ZNF710: variants seen among roughly 807,000 people sequenced by gnomAD.
ZNF710 encodes the protein zinc finger protein 710.
In ZNF710, 13 loss-of-function variants were observed where a neutral mutation model predicts 50.6. The observed-to-expected ratio is 0.26, with a 90% confidence interval of 0.17 to 0.41. The LOEUF (loss-of-function observed/expected upper bound fraction) is 0.41. ZNF710 is among the 10% of genes least tolerant of loss of function. The pLI is 1.00. For synonymous variants in ZNF710, 383 were observed against 397.0 expected (o/e 0.96, Z 0.42); for missense variants, 721 against 936.6 (o/e 0.77, Z 3.01).
rs1003130935 is a variant in ZNF710, at chr15:90,081,224, C to CTCT, written c.*1398_*1400dup. ...CAGCTAGCTCCCTCGCTCGCCTGCT[C>CTCT]TCTTCCCCTCTGTTCCCACGCCAGC... On this transcript the variant is annotated 3_prime_UTR_variant, in exon 5 of 5. Transcript: ENST00000268154. 1 of 152,138 alleles carries CTCT rather than the reference C, an allele frequency of 6.6e-6. No homozygotes were observed. The highest frequency in any genetic ancestry group is 1.5e-5 in the Non-Finnish European group (1 of 68,336). 9.4% of individuals were successfully genotyped at this position (152,138 alleles called of 1,614,324 possible).
chr15:90,037,661 A>T (rs1175299307), intron 1 of ZNF710, among the ~76,000 whole-genome samples: 2 of 152,180 alleles, frequency 1.3e-5, no homozygotes, highest in Non-Finnish European at 2.9e-5. Flanking sequence ...TGAGGAAATG[A>T]TCTCTGACCC....
At chr15:90,001,993 G>C (rs1403468316) in intron 1 of ZNF710, among the ~76,000 whole-genome samples, 2 of 148,756 alleles carry the variant, frequency 1.3e-5, no homozygotes, top group East Asian at 4.2e-4. Context: ...GAGAGAGAGA[G>C]AGAGGCAAAA....
chr15:90,067,349 G>A lies in ZNF710; in HGVS notation c.212G>A (p.Cys71Tyr), dbSNP rs1252490874. ...PPGPDVYQLACNGRALEEPAE... is the reference protein window; with the variant it reads ...PPGPDVYQLAYNGRALEEPAE... ...GGCCCCGACGTCTACCAGCTGGCCT[G>A]CAACGGGAGGGCCTTGGAGGAGCCG... The change falls in exon 2 of 5, where the codon TGC (cysteine) becomes TAC (tyrosine). Residue 71 changes from cysteine to tyrosine, a missense_variant. By Grantham distance (194) the Cys-to-Tyr change is radical (BLOSUM62 -2). Transcript: ENST00000268154. The surrounding 1 kb of genome is among the most constrained non-coding windows in gnomAD (Gnocchi z 8.1). 6.3e-7 allele frequency: 1 copy of A among 1,599,972 alleles called. No individual in the cohort carries two copies. The highest frequency in any genetic ancestry group is 1.7e-5 in the Admixed American group (1 of 57,626).
At chr15:90,058,074 C>G (rs1899880255) in intron 1 of ZNF710, among the ~76,000 whole-genome samples, 1 of 152,114 alleles carries the variant, frequency 6.6e-6, no homozygotes, top group Non-Finnish European at 1.5e-5. Flanking sequence ...GGCGTGGCTC[C>G]CAGGTCAGGT....
In ZNF710 at chr15:90,074,253, C is replaced by G; in HGVS notation, c.1788C>G (p.Val596=). The part of the protein sequence containing the change: ...LKGNLSRHMK[V]KHGVMDIGLD... ...GCAACCTGAGCCGGCACATGAAGGT[C>G]AAGCATGGCGTCATGGACATCGGCC... is the stretch of plus-strand genomic sequence containing the variant. The change falls in exon 4 of 5, where the codon GTC becomes GTG. Residue 596 remains valine (V), a synonymous_variant. Transcript: ENST00000268154. The G allele has an allele frequency of 1.2e-6, 2 of 1,613,842 alleles. No individual in the cohort carries two copies. Among genetic ancestry groups the G allele is most frequent in the South Asian group, 1.1e-5 (1 of 91,078 alleles).
intron 1 of ZNF710, among the ~76,000 whole-genome samples, chr15:90,032,914 G>GAA (rs370156779): frequency 2.2e-4 from 33 of 150,978 alleles, no homozygotes; most frequent in African/African-American, 7.3e-4. Context: ...TCTAAAAAAA[G>GAA]AAAAAAAAAG....
intron 1 of ZNF710, among the ~76,000 whole-genome samples, chr15:90,015,634 C>G (rs1419310559): frequency 6.9e-6 from 1 of 145,702 alleles, no homozygotes; most frequent in Non-Finnish European, 1.5e-5. Flanking sequence ...TTGCTCTTGT[C>G]ATCCAGGCTG....
intron 1 of ZNF710, among the ~76,000 whole-genome samples, chr15:90,010,127 T>G (rs2151462858): frequency 6.6e-6 from 1 of 152,300 alleles, no homozygotes; most frequent in East Asian, 1.9e-4. Flanking sequence ...CTACCATGAC[T>G]GTGGTTTCAG....
intron 1 of ZNF710, among the ~76,000 whole-genome samples, chr15:90,053,570 G>A (rs1899713435): frequency 6.6e-6 from 1 of 152,092 alleles, no homozygotes; most frequent in Non-Finnish European, 1.5e-5. Flanking sequence ...GAACTCCTGA[G>A]CTCAAATGAT....
chr15:90,050,357 A>C (rs1342010405), intron 1 of ZNF710, among the ~76,000 whole-genome samples: 2 of 152,186 alleles, frequency 1.3e-5, no homozygotes, highest in African/African-American at 2.4e-5. Context: ...ACCTGCCCTC[A>C]GACCTCAGCA....
intron 1 of ZNF710, among the ~76,000 whole-genome samples, chr15:90,049,381 C>G (rs912999067): frequency 6.6e-6 from 1 of 152,224 alleles, no homozygotes; most frequent in Non-Finnish European, 1.5e-5. Flanking sequence ...GCCTCAACCC[C>G]ACAGTCAGTC....
At chr15:90,044,256 T>A (rs946013338) in intron 1 of ZNF710, among the ~76,000 whole-genome samples, 2 of 152,202 alleles carry the variant, frequency 1.3e-5, no homozygotes, top group African/African-American at 4.8e-5. Context: ...GATCTAGACA[T>A]GGCCTTGGCA....
chr15:90,013,822 C>T (rs976152184), intron 1 of ZNF710, among the ~76,000 whole-genome samples: 1 of 152,178 alleles, frequency 6.6e-6, no homozygotes, highest in Admixed American at 6.5e-5. Flanking sequence ...TTCCCCACAC[C>T]ATATGTTGCA....
At chr15:90,002,996 C>A in intron 1 of ZNF710, among the ~76,000 whole-genome samples, 1 of 152,218 alleles carries the variant, frequency 6.6e-6, no homozygotes, top group Non-Finnish European at 1.5e-5. Context: ...GCCTCAACCT[C>A]CCCAATAGCT....
upstream of ZNF710, among the ~76,000 whole-genome samples, chr15:90,000,584 C>A (rs1029245206): frequency 6.6e-6 from 1 of 152,214 alleles, no homozygotes; most frequent in African/African-American, 2.4e-5. Context: ...GAGCCCGCGC[C>A]GCTCCCTCGA....
At chr15:90,061,963 G>A (rs1277567720) in intron 1 of ZNF710, among the ~76,000 whole-genome samples, 1 of 152,070 alleles carries the variant, frequency 6.6e-6, no homozygotes, top group Non-Finnish European at 1.5e-5. Context: ...CTTGGGTGGG[G>A]AAGGTCCCCT....
intron 1 of ZNF710, among the ~76,000 whole-genome samples, chr15:90,048,690 C>T (rs1899543802): frequency 6.6e-6 from 1 of 152,180 alleles, no homozygotes; most frequent in East Asian, 1.9e-4. Context: ...GGATCTTGTA[C>T]TTCGTTTAGG....
chr15:90,064,925 C>T (rs1900120475), intron 1 of ZNF710, among the ~76,000 whole-genome samples: 1 of 152,188 alleles, frequency 6.6e-6, no homozygotes, highest in Non-Finnish European at 1.5e-5. Flanking sequence ...AACTGAGCCA[C>T]TGGCATGACT....
chr15:90,030,480 G>GA (rs572033186), intron 1 of ZNF710, among the ~76,000 whole-genome samples: 15 of 152,208 alleles, frequency 9.9e-5, no homozygotes, highest in African/African-American at 3.6e-4. Context: ...TAAGCCTTCT[G>GA]GGCTTTCATT....
Sources: gnomAD v4.1 joint callset for allele counts (sites outside exome capture counted in the v4.1 genomes callset) on GRCh38, gnomAD v4.1.1 for gene constraint, Gnocchi (gnomAD v3.1) non-coding constraint, MANE v1.5 for transcripts, NCBI Gene and HGNC (gene_info 2026-07-23, HGNC 2026-07-21) for gene names.